LMO7: variants seen among roughly 807,000 people sequenced by gnomAD.
The protein encoded by LMO7 is LIM domain 7.
LMO7 carries 120 observed loss-of-function variants against 206.5 expected under a neutral mutation model. The observed-to-expected ratio is 0.58, with a 90% CI of 0.50 to 0.68. The LOEUF is 0.68. Ranked by LOEUF, LMO7 falls within the 30% of genes least tolerant of loss-of-function variation. LMO7 has a pLI of 0.00. For synonymous variants in LMO7, 706 were observed against 681.5 expected (o/e 1.04, Z -0.56); for missense variants, 1,959 against 1,957.9 (o/e 1.00, Z -0.01).
At chr13:75,827,875 A>G (rs562235663) in intron 15 of LMO7, among the ~76,000 whole-genome samples, 1 of 152,150 alleles carries the variant, frequency 6.6e-6, no homozygotes, top group African/African-American at 2.4e-5. Flanking sequence ...CCATTTCCTG[A>G]TCTCATCCCC....
At chr13:75,824,642 T>C (rs535918121) in intron 15 of LMO7, among the ~76,000 whole-genome samples, 11 of 152,290 alleles carry the variant, frequency 7.2e-5, no homozygotes, top group South Asian at 6.2e-4. Context: ...GTCTCTCTCT[T>C]AGAAAGATTC....
At chr13:75,645,204 T>C (rs1360239457) in intron 1 of LMO7, among the ~76,000 whole-genome samples, 3 of 152,250 alleles carry the variant, frequency 2.0e-5, no homozygotes, top group Non-Finnish European at 4.4e-5. Flanking sequence ...GCTTCAAAAA[T>C]ACATGTCATG....
chr13:75,693,784 G>A (rs898098443), intron 1 of LMO7, among the ~76,000 whole-genome samples: 1 of 152,198 alleles, frequency 6.6e-6, no homozygotes, highest in Non-Finnish European at 1.5e-5. Flanking sequence ...TGGCCTGGCT[G>A]AGAGGCAGTG....
At chr13:75,856,629 G>T (rs1368790516) in intron 30 of LMO7, 21 bp downstream of exon 30, 1 of 1,505,174 alleles carries the variant, frequency 6.6e-7, no homozygotes, top group Non-Finnish European at 9.2e-7. Flanking sequence ...AAATCAGAGA[G>T]AAAATTTCTT....
At chr13:75,818,981 C>T (rs1006246448) in intron 12 of LMO7, among the ~76,000 whole-genome samples, 40 of 152,296 alleles carry the variant, frequency 2.6e-4, no homozygotes, top group African/African-American at 7.5e-4. Context: ...TATGCATCTG[C>T]GCGTAACCAT....
chr13:75,713,160 A>T (rs964931078), intron 1 of LMO7, 22 bp from the exon 2 acceptor site: 23 of 1,596,066 alleles, frequency 1.4e-5, no homozygotes, highest in Non-Finnish European at 2.0e-5. Context: ...AGAGAAAATT[A>T]ACAACCAAAC....
intron 4 of LMO7, among the ~76,000 whole-genome samples, chr13:75,774,940 G>T (rs902412278): frequency 5.9e-5 from 9 of 152,172 alleles, no homozygotes; most frequent in Middle Eastern, 3.4e-3. Context: ...GTTGCAAAGA[G>T]ATTATCTAAT....
At chr13:75,747,642 GGGA>G (rs1226991562) in intron 3 of LMO7, among the ~76,000 whole-genome samples, 2 of 152,188 alleles carry the variant, frequency 1.3e-5, no homozygotes, top group Non-Finnish European at 2.9e-5. Context: ...CTTCATTCCA[GGGA>G]GGAGGACATA....
At chr13:75,642,586 G>A (rs2036644888) in intron 1 of LMO7, among the ~76,000 whole-genome samples, 1 of 151,974 alleles carries the variant, frequency 6.6e-6, no homozygotes, top group Admixed American at 6.6e-5. Flanking sequence ...CTGGGTGACA[G>A]AGTAAGACTC....
At chr13:75,789,837 T>G in intron 4 of LMO7, among the ~76,000 whole-genome samples, 1 of 152,156 alleles carries the variant, frequency 6.6e-6, no homozygotes, top group Admixed American at 6.5e-5. Context: ...GCGGTAAAAC[T>G]ATAATCTCAT....
At chr13:75,699,536 G>A (rs551005928) in intron 1 of LMO7, among the ~76,000 whole-genome samples, 1 of 152,118 alleles carries the variant, frequency 6.6e-6, no homozygotes, top group East Asian at 1.9e-4. Context: ...TGGGTCTCCG[G>A]GGGTGACATC....
In LMO7 at chr13:75,796,731, A is replaced by T; in HGVS notation, c.444A>T (p.Leu148Phe). The T allele has an allele frequency of 6.2e-7, 1 of 1,608,950 alleles. No homozygotes were observed. Among genetic ancestry groups the T allele is most frequent in the Non-Finnish European group, 8.5e-7 (1 of 1,175,398 alleles). The part of the protein sequence containing the change: ...HLNLKAFENL[L>F]GQALTKALED... ...ATTTGAAAGCGTTTGAGAATCTTTT[A>T]GGACAAGCACTGACGAAGGTAAGTA... Residue 148 changes from leucine (L) to phenylalanine (F), a missense_variant, in exon 6 of 31, where the codon TTA becomes TTT. By Grantham distance (22) the Leu-to-Phe change is conservative. Coordinates refer to ENST00000377534, the MANE Select transcript of LMO7 (RefSeq NM_001306080.2).
At chr13:75,647,410 G>GA (rs997485646) in intron 1 of LMO7, among the ~76,000 whole-genome samples, 1 of 151,542 alleles carries the variant, frequency 6.6e-6, no homozygotes, top group African/African-American at 2.4e-5. Context: ...ATGTTTTTTT[G>GA]AAAAAAGCAA....
chr13:75,800,948 A>C, intron 7 of LMO7, 66 bp downstream of exon 7: 2 of 1,503,072 alleles, frequency 1.3e-6, no homozygotes, highest in Admixed American at 3.4e-5. Flanking sequence ...AACAGGAGAG[A>C]ATAGAAAAAT....
At chr13:75,735,528 C>A (rs1022057008) in intron 3 of LMO7, among the ~76,000 whole-genome samples, 1 of 152,120 alleles carries the variant, frequency 6.6e-6, no homozygotes, top group African/African-American at 2.4e-5. Context: ...GTGGGGTGAT[C>A]TTGGCTCCCT....
chr13:75,743,581 T>C (rs1392769278), intron 3 of LMO7, among the ~76,000 whole-genome samples: 1 of 152,150 alleles, frequency 6.6e-6, no homozygotes, highest in Non-Finnish European at 1.5e-5. Flanking sequence ...CCATTATCCT[T>C]AGCAAACTAA....
At chr13:75,640,270 T>C (rs1411043065) in intron 1 of LMO7, among the ~76,000 whole-genome samples, 10 of 95,984 alleles carry the variant, frequency 1.0e-4, no homozygotes, top group Non-Finnish European at 1.8e-4. Context: ...GGCTCTGCTA[T>C]TTAAATCCTG....
At chr13:75,817,705 T>A (rs1242540890) in intron 12 of LMO7, among the ~76,000 whole-genome samples, 1 of 152,174 alleles carries the variant, frequency 6.6e-6, no homozygotes, top group East Asian at 1.9e-4. Flanking sequence ...GGGTTAGTAA[T>A]TAAGAGTTAA....
intron 1 of LMO7, among the ~76,000 whole-genome samples, chr13:75,692,529 G>A (rs531647275): frequency 1.3e-5 from 2 of 152,090 alleles, no homozygotes; most frequent in East Asian, 1.9e-4. Context: ...GGCACCACAG[G>A]CGCACACCAC....
Sources: allele counts gnomAD v4.1 joint callset (sites outside exome capture counted in the v4.1 genomes callset), GRCh38; gene constraint gnomAD v4.1.1; transcripts MANE v1.5; gene names NCBI Gene and HGNC (gene_info 2026-07-23, HGNC 2026-07-21).